Variants in ZNF366 observed in about 807,000 individuals in gnomAD.
ZNF366 encodes zinc finger protein 366, also known as dendritic cell-specific transcript protein.
In ZNF366, 20 loss-of-function variants were observed where a neutral mutation model predicts 47.2. The ratio of observed to expected loss-of-function variants is 0.42; its 90% confidence interval spans 0.30 to 0.62. ZNF366 has a LOEUF of 0.62. Ranked by LOEUF, ZNF366 falls within the 20% of genes least tolerant of loss-of-function variation. The probability of loss-of-function intolerance (pLI) is 0.16; values close to 1 mark genes in which losing one functional copy is unlikely to be tolerated. For missense variants in ZNF366, 987 were observed against 976.3 expected, an observed-to-expected ratio of 1.01 and a Z score of -0.15; for synonymous variants, 421 against 395.1, an observed-to-expected ratio of 1.07 and a Z score of -0.78.
chr5:72,489,191 CACA>C (rs1241571382), intron 1 of ZNF366, among the ~76,000 whole-genome samples: 1 of 150,618 alleles, frequency 6.6e-6, no homozygotes, highest in East Asian at 1.9e-4. Context: ...GCCTAAGCAA[CACA>C]ACAAGACCCC....
At chr5:72,499,285 C>T (rs1240280924) in intron 1 of ZNF366, among the ~76,000 whole-genome samples, 1 of 152,184 alleles carries the variant, frequency 6.6e-6, no homozygotes, top group African/African-American at 2.4e-5. Context: ...GAGGAAACGC[C>T]TGCTTGCCTG....
At chr5:72,489,818 C>G (rs1743969294) in intron 1 of ZNF366, among the ~76,000 whole-genome samples, 1 of 152,222 alleles carries the variant, frequency 6.6e-6, no homozygotes, top group South Asian at 2.1e-4. Flanking sequence ...TAAGGGTCTT[C>G]TCAAGGGAAT....
At chr5:72,489,515 G>A (rs1743964410) in intron 1 of ZNF366, among the ~76,000 whole-genome samples, 1 of 152,118 alleles carries the variant, frequency 6.6e-6, no homozygotes, top group African/African-American at 2.4e-5. Context: ...TACCTAATAG[G>A]TAATGTGCAT....
At chr5:72,455,310 A>G (rs1743156039) in intron 3 of ZNF366, among the ~76,000 whole-genome samples, 1 of 152,186 alleles carries the variant, frequency 6.6e-6, no homozygotes, top group African/African-American at 2.4e-5. Flanking sequence ...GTGGGGCCAC[A>G]CTGCAGAGGT....
intron 4 of ZNF366, among the ~76,000 whole-genome samples, 178 bp from the exon 5 acceptor site, chr5:72,444,469 A>G (rs1348947218): frequency 2.0e-5 from 3 of 152,356 alleles, no homozygotes; most frequent in South Asian, 4.1e-4. Flanking sequence ...AAATCGGTTT[A>G]ATCCCTTTAA....
At chr5:72,446,178 T>C (rs1420958796) in intron 4 of ZNF366, among the ~76,000 whole-genome samples, 1 of 152,246 alleles carries the variant, frequency 6.6e-6, no homozygotes, top group Non-Finnish European at 1.5e-5. Flanking sequence ...TCAGACTTGC[T>C]GTTTGACCTT....
rs78722919 is a variant in ZNF366, at chr5:72,491,595, C to T, written c.-15+15656G>A. On this transcript the variant is annotated intron_variant, in intron 1 of 4. Transcript: ENST00000318442. Reference sequence around the variant, plus strand: ...GGGATAAAAAACACTAATAACCCAACTTGCCTGGTTATTATAAGATTTCAT... The same window carrying T: ...GGGATAAAAAACACTAATAACCCAATTTGCCTGGTTATTATAAGATTTCAT... 4.0e-3 allele frequency among the ~76,000 whole-genome samples: 608 copies of T among 152,278 alleles called. 6 individuals carry two copies. The highest frequency in any genetic ancestry group is 0.014 in the African/African-American group (596 of 41,544).
chr5:72,501,746 A>G (rs1479004699), intron 1 of ZNF366, among the ~76,000 whole-genome samples: 1 of 152,212 alleles, frequency 6.6e-6, no homozygotes, highest in Non-Finnish European at 1.5e-5. Flanking sequence ...AGGAAAAACA[A>G]ATGACCGTTC....
At chr5:72,452,274 G>A (rs1051528581) in intron 3 of ZNF366, among the ~76,000 whole-genome samples, 1 of 152,206 alleles carries the variant, frequency 6.6e-6, no homozygotes, top group African/African-American at 2.4e-5. Context: ...GAGGGAGGGA[G>A]AGAGAGACTG....
At position 72,460,339 on chromosome 5, in the gene ZNF366, C is replaced by T. The variant is rs767341248; in HGVS notation, c.1158G>A (p.Thr386=). The T allele has an allele frequency of 6.2e-7, 1 of 1,614,216 alleles. No individual in the cohort carries two copies. Among genetic ancestry groups the T allele is most frequent in the Admixed American group, 1.7e-5 (1 of 60,028 alleles). The part of the protein sequence containing the change: ...TLAQLKRHLT[T]HRGPIQYNCS... ...AGTTGTACTGGATGGGGCCCCGGTG[C>T]GTGGTGAGGTGTCTCTTCAGCTGGG... is the stretch of plus-strand genomic sequence containing the variant. The change falls in exon 2 of 5, where the codon ACG becomes ACA. Residue 386 remains threonine (T), a synonymous_variant. Transcript: ENST00000318442.
chr5:72,457,729 C>T (rs1483854542), intron 2 of ZNF366, among the ~76,000 whole-genome samples: 1 of 152,034 alleles, frequency 6.6e-6, no homozygotes, highest in Non-Finnish European at 1.5e-5. Flanking sequence ...GTCGTGTGGC[C>T]TTTTTTAGTG....
At chr5:72,471,134 G>A (rs559055589) in intron 1 of ZNF366, among the ~76,000 whole-genome samples, 19 of 152,236 alleles carry the variant, frequency 1.2e-4, no homozygotes, top group Admixed American at 3.9e-4. Flanking sequence ...CAGATTCCCC[G>A]TGACTCTCCA....
chr5:72,491,797 T>A (rs1744015563), intron 1 of ZNF366, among the ~76,000 whole-genome samples: 2 of 151,894 alleles, frequency 1.3e-5, no homozygotes, highest in South Asian at 4.1e-4. Context: ...GTAAAGAAAA[T>A]CAATCATTTT....
At chr5:72,452,562 G>A (rs182276858) in intron 3 of ZNF366, among the ~76,000 whole-genome samples, 2 of 152,312 alleles carry the variant, frequency 1.3e-5, no homozygotes, top group African/African-American at 4.8e-5. Flanking sequence ...TTCCTGGAGC[G>A]TCAAAGAAAG....
intron 1 of ZNF366, among the ~76,000 whole-genome samples, chr5:72,494,549 T>G (rs979647804): frequency 8.6e-5 from 13 of 151,620 alleles, no homozygotes; most frequent in African/African-American, 3.2e-4. Context: ...TGAAAAGGAG[T>G]CTGCTATCAC....
chr5:72,451,831 C>T (rs985774109), intron 3 of ZNF366, among the ~76,000 whole-genome samples: 2 of 152,202 alleles, frequency 1.3e-5, no homozygotes, highest in Non-Finnish European at 2.9e-5. Flanking sequence ...ATTTGGCTCC[C>T]CCATCCTTAG....
At chr5:72,477,713 C>T (rs1037357445) in intron 1 of ZNF366, among the ~76,000 whole-genome samples, 1 of 152,156 alleles carries the variant, frequency 6.6e-6, no homozygotes, top group Non-Finnish European at 1.5e-5. Flanking sequence ...TATCTACGGT[C>T]ACATAACCTG....
chr5:72,452,731 C>T (rs1743099757), intron 3 of ZNF366, among the ~76,000 whole-genome samples: 1 of 152,250 alleles, frequency 6.6e-6, no homozygotes, highest in Non-Finnish European at 1.5e-5. Flanking sequence ...CTGCCGGCTT[C>T]ACCCATCTCA....
Position 72,461,092 on chromosome 5 carries a change from G to C in ZNF366, c.405C>G (p.Gly135=). 1 of 1,614,112 alleles carries C rather than the reference G, an allele frequency of 6.2e-7. No individual in the cohort carries two copies. The highest frequency in any genetic ancestry group is 8.5e-7 in the Non-Finnish European group (1 of 1,180,024). Residue 135 remains glycine (G), a synonymous_variant, in exon 2 of 5, where the codon GGC becomes GGG. Transcript: ENST00000318442. ...DSQMIDLCNV[G]FQFYRSLEHF... ...GTTCCAGGCTGCGGTAGAATTGGAA[G>C]CCCACGTTGCACAGGTCGATCATCT...
Sources: gnomAD v4.1 joint callset for allele counts (sites outside exome capture counted in the v4.1 genomes callset) on GRCh38, gnomAD v4.1.1 for gene constraint, MANE v1.5 for transcripts, NCBI Gene and HGNC (gene_info 2026-07-23, HGNC 2026-07-21) for gene names.